The following FARS2 variants were observed in gnomAD, a reference collection of about 807,000 sequenced individuals.
FARS2 encodes phenylalanyl-tRNA synthetase 2, mitochondrial.
Under a neutral mutation model 46.4 loss-of-function variants are expected in FARS2, and 40 were observed. The ratio of observed to expected loss-of-function variants is 0.86; its 90% confidence interval spans 0.67 to 1.12. The LOEUF is 1.12. Among genes scored for constraint, FARS2 ranks in the 50% most tolerant of loss-of-function variants. The pLI, the probability that FARS2 is intolerant of heterozygous loss-of-function variation, is 0.00. For missense variants in FARS2, 513 were observed against 567.9 expected, an observed-to-expected ratio of 0.90 and a Z score of 0.98; for synonymous variants, 234 against 214.9, an observed-to-expected ratio of 1.09 and a Z score of -0.78.
intron 4 of FARS2, among the ~76,000 whole-genome samples, chr6:5,539,407 T>TATATATATATATATATATATATATATATA: frequency 1.4e-5 from 2 of 143,514 alleles, no homozygotes; most frequent in African/African-American, 5.2e-5. Flanking sequence ...TATGTATATA[T>TATATATATATATATATATATATATATATA]TTTTTTAGTA....
chr6:5,407,062 T>TATATAA lies in FARS2; in HGVS notation c.772+2362_772+2367dup, dbSNP rs1761652123. 2.1e-5 allele frequency among the ~76,000 whole-genome samples: 3 copies of TATATAA among 141,048 alleles called. 1 individual carries two copies. The highest frequency in any genetic ancestry group is 7.7e-5 in the African/African-American group (3 of 39,156). 92.5% of individuals were successfully genotyped at this position (141,048 alleles called of 152,430 possible). A position where few individuals can be genotyped will look rare whatever the true frequency, so the allele number is the denominator to read the frequency against. ...GGCAAATTATATATATATATATATA[T>TATATAA]ATATAATGACCAATAAATATATGAA... On this transcript the variant is annotated intron_variant, in intron 3 of 6. Transcript: ENST00000274680.
chr6:5,442,414 TACAC>T (rs140280522), intron 4 of FARS2, among the ~76,000 whole-genome samples: 1 of 150,208 alleles, frequency 6.7e-6, no homozygotes, highest in African/African-American at 2.5e-5. Flanking sequence ...TATATATATA[TACAC>T]ACACACACAC....
At chr6:5,366,844 A>G (rs1758715348) in intron 1 of FARS2, among the ~76,000 whole-genome samples, 1 of 152,206 alleles carries the variant, frequency 6.6e-6, no homozygotes, top group Non-Finnish European at 1.5e-5. Context: ...ATAACCTAAC[A>G]GTTTGATTTT....
intron 5 of FARS2, among the ~76,000 whole-genome samples, chr6:5,604,916 C>G (rs977004767): frequency 6.6e-6 from 1 of 152,074 alleles, no homozygotes; most frequent in Non-Finnish European, 1.5e-5. Context: ...CCTAAAAGTT[C>G]TACATGAAAA....
chr6:5,567,877 TA>T (rs1772412640), intron 5 of FARS2, among the ~76,000 whole-genome samples: 3 of 152,220 alleles, frequency 2.0e-5, no homozygotes, highest in Non-Finnish European at 2.9e-5. Context: ...TTCTCACTGG[TA>T]AAATAAGTTC....
intron 3 of FARS2, among the ~76,000 whole-genome samples, chr6:5,424,576 G>T (rs1280719546): frequency 6.6e-6 from 1 of 152,096 alleles, no homozygotes; most frequent in East Asian, 1.9e-4. Flanking sequence ...AACAAAGGAA[G>T]GAAAATAGAA....
intron 4 of FARS2, among the ~76,000 whole-genome samples, chr6:5,532,607 A>G (rs1271241168): frequency 6.6e-6 from 1 of 152,082 alleles, no homozygotes; most frequent in Non-Finnish European, 1.5e-5. Context: ...AAAAATTAGC[A>G]GGGTGTGGTG....
intron 2 of FARS2, among the ~76,000 whole-genome samples, chr6:5,401,013 C>A (rs1404331939): frequency 6.6e-6 from 1 of 151,758 alleles, no homozygotes; most frequent in African/African-American, 2.4e-5. Context: ...TATCCATTTG[C>A]CTGTTATATT....
chr6:5,750,152 A>G (rs1382512995), intron 6 of FARS2, among the ~76,000 whole-genome samples: 1 of 152,110 alleles, frequency 6.6e-6, no homozygotes, highest in African/African-American at 2.4e-5. Context: ...TCATGATACG[A>G]CAGCATGGCA....
intron 4 of FARS2, among the ~76,000 whole-genome samples, chr6:5,444,707 G>T (rs575503135): frequency 6.6e-6 from 1 of 152,156 alleles, no homozygotes; most frequent in Non-Finnish European, 1.5e-5. Flanking sequence ...GGATGGCTGT[G>T]TGGGTGGGTG....
chr6:5,359,937 C>G (rs1185427039), intron 1 of FARS2, among the ~76,000 whole-genome samples: 1 of 152,170 alleles, frequency 6.6e-6, no homozygotes, highest in Admixed American at 6.5e-5. Context: ...CCTGATGAAC[C>G]ACCACAGAAA....
intron 4 of FARS2, among the ~76,000 whole-genome samples, chr6:5,453,152 A>G (rs917353137): frequency 2.6e-5 from 4 of 152,226 alleles, no homozygotes; most frequent in African/African-American, 9.6e-5. Context: ...TTTATTTACA[A>G]ATTTAACTGC....
At chr6:5,511,389 A>G (rs1768442021) in intron 4 of FARS2, among the ~76,000 whole-genome samples, 1 of 152,250 alleles carries the variant, frequency 6.6e-6, no homozygotes, top group Non-Finnish European at 1.5e-5. Context: ...TCGTATTAAT[A>G]CATTTTAATT....
upstream of FARS2, among the ~76,000 whole-genome samples, chr6:5,256,218 G>A (rs975314698): frequency 2.0e-5 from 3 of 152,008 alleles, no homozygotes; most frequent in African/African-American, 4.8e-5. Context: ...GGCCAGGCGC[G>A]GTGGCTCATG....
intron 1 of FARS2, among the ~76,000 whole-genome samples, chr6:5,327,331 A>G (rs1770464453): frequency 6.6e-6 from 1 of 152,202 alleles, no homozygotes; most frequent in Non-Finnish European, 1.5e-5. Flanking sequence ...TATACTATAG[A>G]TTTTGGAGAT....
At chr6:5,463,992 C>A (rs1323005234) in intron 4 of FARS2, among the ~76,000 whole-genome samples, 1 of 152,168 alleles carries the variant, frequency 6.6e-6, no homozygotes, top group African/African-American at 2.4e-5. Flanking sequence ...AGGGGTTGTT[C>A]TAGTGTCGGG....
intron 5 of FARS2, among the ~76,000 whole-genome samples, chr6:5,587,723 T>C (rs2150594975): frequency 1.3e-5 from 2 of 152,324 alleles, no homozygotes; most frequent in Middle Eastern, 3.4e-3. Flanking sequence ...AGAGCATCTG[T>C]TAACATTCTT....
chr6:5,383,874 G>A (rs967302264), intron 2 of FARS2, among the ~76,000 whole-genome samples: 2 of 151,984 alleles, frequency 1.3e-5, no homozygotes, highest in African/African-American at 2.4e-5. Flanking sequence ...TTTAGATGGG[G>A]CCTTTGTCCT....
At chr6:5,268,415 T>G (rs1765702422) in intron 1 of FARS2, among the ~76,000 whole-genome samples, 1 of 152,266 alleles carries the variant, frequency 6.6e-6, no homozygotes, top group Non-Finnish European at 1.5e-5. Context: ...TTTCAGCTTC[T>G]ACATATGGCT....
Sources: allele counts gnomAD v4.1 joint callset (sites outside exome capture counted in the v4.1 genomes callset), GRCh38; gene constraint gnomAD v4.1.1; transcripts MANE v1.5; gene names NCBI Gene and HGNC (gene_info 2026-07-23, HGNC 2026-07-21).